Variants in ZNF655 observed in about 807,000 individuals in gnomAD.
ZNF655 encodes Vav-interacting Kruppel-like protein 1.
In ZNF655, 3 loss-of-function variants were observed where a neutral mutation model predicts 6.6. The observed-to-expected ratio is 0.46, with a 90% confidence interval of 0.21 to 1.18. The LOEUF (loss-of-function observed/expected upper bound fraction) is 1.18, where lower values mean the gene tolerates loss of function less well. Ranked by LOEUF, ZNF655 falls within the 50% of genes most tolerant of loss-of-function variation. The pLI, the probability that ZNF655 is intolerant of heterozygous loss-of-function variation, is 0.24. For synonymous variants in ZNF655, 178 were observed against 195.0 expected (o/e 0.91, Z 0.73); for missense variants, 526 against 572.3 (o/e 0.92, Z 0.83).
At position 99,572,481 on chromosome 7, in the gene ZNF655, A is replaced by AGTG; in HGVS notation, c.374_376dup (p.Ser125_Glu126insGly). The stretch of plus-strand genomic sequence containing the variant: ...AACAATCAGCAAGGAAACCTTCACC[A>AGTG]GTGAGAAGAACAATGAATGTCATGA... On this transcript the variant is annotated inframe_insertion, in exon 3 of 3. Coordinates refer to ENST00000252713, the MANE Select transcript of ZNF655 (RefSeq NM_138494.3). 6.2e-7 allele frequency: 1 copy of AGTG among 1,614,042 alleles called. No homozygotes were observed. The highest frequency in any genetic ancestry group is 8.5e-7 in the Non-Finnish European group (1 of 1,179,962).
rs1285411244 is a variant in ZNF655, at chr7:99,574,030, T to A, written c.*446T>A. ...ATAAGCATGTATGTGTGTGAGGAGA[T>A]TCAGTCATAACCCAACGCTCATTCA... On this transcript the variant is annotated 3_prime_UTR_variant, in exon 3 of 3. Coordinates refer to ENST00000252713, the MANE Select transcript of ZNF655 (RefSeq NM_138494.3). 6.0e-6 allele frequency: 1 copy of A among 166,210 alleles called. No individual in the cohort carries two copies. Among genetic ancestry groups the A allele is most frequent in the Non-Finnish European group, 1.3e-5 (1 of 76,134 alleles). The allele number at this position is 166,210 out of a possible 1,614,324, so 10.3% of individuals were successfully genotyped here.
intron 2 of ZNF655, chr7:99,563,784 T>G (rs1803402678): frequency 6.5e-7 from 1 of 1,536,840 alleles, no homozygotes; most frequent in African/African-American, 1.4e-5. Context: ...TTCAAGGTCT[T>G]CTTATTTGTG....
At chr7:99,560,471 C>G in intron 1 of ZNF655, 62 bp from the exon 2 acceptor site, 2 of 1,496,962 alleles carry the variant, frequency 1.3e-6, no homozygotes, top group Non-Finnish European at 1.8e-6. Context: ...AAAGTCCTGA[C>G]GATATAAAAT....
chr7:99,567,637 C>T (rs902912681), intron 2 of ZNF655, among the ~76,000 whole-genome samples: 17 of 152,162 alleles, frequency 1.1e-4, no homozygotes, highest in Admixed American at 5.9e-4. Flanking sequence ...TGGGATCAAG[C>T]TTGGGTTCCA....
intron 2 of ZNF655, 134 bp from the exon 3 acceptor site, chr7:99,572,111 G>T: frequency 1.1e-6 from 1 of 937,900 alleles, no homozygotes; most frequent in Non-Finnish European, 1.5e-6. Flanking sequence ...GAGATTTTGT[G>T]CCTGTTTTTC....
At chr7:99,564,243 G>A in intron 2 of ZNF655, 6 of 1,347,980 alleles carry the variant, frequency 4.5e-6, no homozygotes, top group Non-Finnish European at 5.7e-6. Flanking sequence ...TCATCTACTT[G>A]TATTGTGAAA....
At position 99,572,887 on chromosome 7, in the gene ZNF655, G is replaced by T. The variant is rs374442126; in HGVS notation, c.779G>T (p.Arg260Ile). Residue 260 changes from arginine to isoleucine, a missense_variant, in exon 3 of 3, where the codon AGA becomes ATA. Physicochemically the swap from Arg to Ile is moderately conservative, Grantham distance 97. Coordinates refer to ENST00000252713, the MANE Select transcript of ZNF655 (RefSeq NM_138494.3). ...SQSSSLSRHKRIHTREKPYKC... is the reference protein window; with the variant it reads ...SQSSSLSRHKIIHTREKPYKC... Reference sequence around the variant, plus strand: ...AGCTCAAGTCTTAGTCGACATAAAAGAATACACACTAGAGAAAAACCTTAC... The same window carrying T: ...AGCTCAAGTCTTAGTCGACATAAAATAATACACACTAGAGAAAAACCTTAC... 13 of 1,613,958 alleles carry T rather than the reference G, an allele frequency of 8.1e-6. No individual in the cohort carries two copies. The highest frequency in any genetic ancestry group is 2.7e-5 in the African/African-American group (2 of 74,914).
intron 2 of ZNF655, chr7:99,564,107 CT>C: frequency 1.3e-6 from 2 of 1,544,656 alleles, no homozygotes; most frequent in Non-Finnish European, 1.7e-6. Context: ...GATGCCACCA[CT>C]GTGTAAAATC....
chr7:99,572,635 A>G lies in ZNF655; in HGVS notation c.527A>G (p.Glu176Gly). 1.9e-6 allele frequency: 3 copies of G among 1,613,710 alleles called. No homozygotes were observed. The highest frequency in any genetic ancestry group is 2.5e-6 in the Non-Finnish European group (3 of 1,179,884). The change falls in exon 3 of 3, where the codon GAA becomes GGA. Residue 176 changes from glutamate to glycine, a missense_variant. Coordinates refer to ENST00000252713, the MANE Select transcript of ZNF655 (RefSeq NM_138494.3). The stretch of plus-strand genomic sequence containing the variant: ...CAGAATTCAGCCTCTGGTAAACATG[A>G]ACACTTAAATCTAACAGAGGATTTT... ...FNQNSASGKH[E>G]HLNLTEDFQS...
chr7:99,574,276 A>G lies in ZNF655; in HGVS notation c.*692A>G, dbSNP rs919077505. ...TATTTGTTTATGAAATTGTTAATAC[A>G]TAGTCCCAATCTTTTTCATTGCACA... On this transcript the variant is annotated 3_prime_UTR_variant, in exon 3 of 3. Transcript: ENST00000252713. 8 of 152,278 alleles carry G rather than the reference A, an allele frequency of 5.3e-5. No individual in the cohort carries two copies. The highest frequency in any genetic ancestry group is 1.3e-4 in the Admixed American group (2 of 15,290). 9.4% of individuals were successfully genotyped at this position (152,278 alleles called of 1,614,324 possible).
At chr7:99,567,067 G>GCAC (rs1043941091) in intron 2 of ZNF655, among the ~76,000 whole-genome samples, 10 of 152,104 alleles carry the variant, frequency 6.6e-5, no homozygotes, top group Admixed American at 3.9e-4. Flanking sequence ...CTACAGGCAT[G>GCAC]CACCACCATA....
chr7:99,559,007 G>A (rs1424874119), intron 1 of ZNF655: 1 of 152,408 alleles, frequency 6.6e-6, no homozygotes, highest in Non-Finnish European at 1.5e-5. Context: ...ACCGTGCCCT[G>A]GTGCGAGCTG....
At chr7:99,559,841 C>T (rs918244820) in intron 1 of ZNF655, among the ~76,000 whole-genome samples, 16 of 143,482 alleles carry the variant, frequency 1.1e-4, no homozygotes, top group South Asian at 2.2e-4. Context: ...TTGTCCAGGA[C>T]GGTCTGGAAC....
Position 99,573,789 on chromosome 7 carries a change from A to C in ZNF655, c.*205A>C. Reference sequence around the variant, plus strand: ...AAAAGGTATTAGTGTTAAACTCTTAATCGACTCCTGCAAATCTATACCAGT... The same window carrying C: ...AAAAGGTATTAGTGTTAAACTCTTACTCGACTCCTGCAAATCTATACCAGT... On this transcript the variant is annotated 3_prime_UTR_variant, in exon 3 of 3. Transcript: ENST00000252713. 1 of 588,650 alleles carries C rather than the reference A, an allele frequency of 1.7e-6. No individual in the cohort carries two copies. The highest frequency in any genetic ancestry group is 2.8e-6 in the Non-Finnish European group (1 of 353,820). The allele number at this position is 588,650 out of a possible 1,614,324, so 36.5% of individuals were successfully genotyped here.
chr7:99,571,423 C>T (rs1804061360), intron 2 of ZNF655: 6 of 1,232,058 alleles, frequency 4.9e-6, no homozygotes, highest in Non-Finnish European at 5.2e-6. Context: ...TGAAGACAAA[C>T]CCATGCACAC....
chr7:99,573,469 A>C lies in ZNF655; in HGVS notation c.1361A>C (p.Gln454Pro). The change falls in exon 3 of 3, where the codon CAA becomes CCA. Residue 454 changes from glutamine (Q) to proline (P), a missense_variant. Physicochemically the swap from Gln to Pro is moderately conservative, Grantham distance 76. Coordinates refer to ENST00000252713, the MANE Select transcript of ZNF655 (RefSeq NM_138494.3). Reference sequence around the variant, plus strand: ...AGTCATAGCTCAGATCTTATCCTGCAACAAGAAGTCCTCACCAGACAGAAA... The same window carrying C: ...AGTCATAGCTCAGATCTTATCCTGCCACAAGAAGTCCTCACCAGACAGAAA... ...SFSHSSDLIL[Q>P]QEVLTRQKAF... The C allele has an allele frequency of 6.2e-7, 1 of 1,613,900 alleles. No homozygotes were observed. Among genetic ancestry groups the C allele is most frequent in the Non-Finnish European group, 8.5e-7 (1 of 1,180,022 alleles).
intron 2 of ZNF655, among the ~76,000 whole-genome samples, chr7:99,562,950 G>A (rs1030994076): frequency 3.3e-5 from 5 of 152,170 alleles, no homozygotes. Context: ...AAAAAGACAG[G>A]CTAAATTCCT....
chr7:99,571,604 T>C lies in ZNF655; in HGVS notation c.137-641T>C, dbSNP rs1044120762. The stretch of plus-strand genomic sequence containing the variant: ...CTTCTCAGAATCGACCTTCTGTCTC[T>C]CTTAATCATTAGTTAAAAGAAAAAG... On this transcript the variant is annotated intron_variant, in intron 2 of 2. Coordinates refer to ENST00000252713, the MANE Select transcript of ZNF655 (RefSeq NM_138494.3). 3 of 1,139,230 alleles carry C rather than the reference T, an allele frequency of 2.6e-6. No homozygotes were observed. The African/African-American group carries it at 4.7e-5, about 18-fold the overall frequency. The allele number at this position is 1,139,230 out of a possible 1,614,324, so 70.6% of individuals were successfully genotyped here.
At chr7:99,559,216 A>C (rs1263986869) in intron 1 of ZNF655, among the ~76,000 whole-genome samples, 2 of 152,122 alleles carry the variant, frequency 1.3e-5, no homozygotes, top group Non-Finnish European at 2.9e-5. Flanking sequence ...TTCGAACCGC[A>C]GCTCTTACCT....
Sources: allele counts gnomAD v4.1 joint callset (sites outside exome capture counted in the v4.1 genomes callset), GRCh38; gene constraint gnomAD v4.1.1; transcripts MANE v1.5; gene names NCBI Gene and HGNC (gene_info 2026-07-23, HGNC 2026-07-21).